KCNIP4: variants seen among roughly 807,000 people sequenced by gnomAD.
KCNIP4 encodes the protein potassium voltage-gated channel interacting protein 4.
A neutral mutation model predicts 34.0 loss-of-function variants in KCNIP4; 12 were observed. The ratio of observed to expected loss-of-function variants is 0.35; its 90% CI spans 0.23 to 0.57. KCNIP4 has a LOEUF of 0.57. Among genes scored for constraint, KCNIP4 ranks in the 20% least tolerant of loss-of-function variants. The pLI, the probability that KCNIP4 is intolerant of heterozygous loss-of-function variation, is 0.83. For missense variants in KCNIP4, 238 were observed against 311.7 expected, an observed-to-expected ratio of 0.76 and a Z score of 1.78; for synonymous variants, 124 against 102.2, an observed-to-expected ratio of 1.21 and a Z score of -1.29.
At chr4:21,781,252 C>T (rs1719558205) in intron 1 of KCNIP4, among the ~76,000 whole-genome samples, 2 of 152,112 alleles carry the variant, frequency 1.3e-5, no homozygotes, top group African/African-American at 2.4e-5. Context: ...ACTTCTCTCT[C>T]CTAAAGCCCT....
chr4:21,529,579 T>C (rs574013841), intron 1 of KCNIP4, among the ~76,000 whole-genome samples: 1 of 152,328 alleles, frequency 6.6e-6, no homozygotes, highest in African/African-American at 2.4e-5. Flanking sequence ...GGGTTTGTTA[T>C]AATAAAATAT....
At chr4:20,916,795 T>G (rs555786631) in intron 1 of KCNIP4, among the ~76,000 whole-genome samples, 1 of 151,812 alleles carries the variant, frequency 6.6e-6, no homozygotes, top group South Asian at 2.1e-4. Context: ...AAACCCATAA[T>G]GGAGGAACAT....
intron 1 of KCNIP4, among the ~76,000 whole-genome samples, chr4:21,799,380 T>A (rs1208319799): frequency 6.6e-6 from 1 of 152,172 alleles, no homozygotes; most frequent in Non-Finnish European, 1.5e-5. Context: ...AAACTTTTCT[T>A]TATATTACCA....
At chr4:21,593,632 T>G (rs544154662) in intron 1 of KCNIP4, among the ~76,000 whole-genome samples, 1 of 152,140 alleles carries the variant, frequency 6.6e-6, no homozygotes, top group Admixed American at 6.6e-5. Flanking sequence ...TCTCCCACCC[T>G]CCTTATTGCC....
chr4:21,088,117 G>A (rs970245324), intron 1 of KCNIP4, among the ~76,000 whole-genome samples: 1 of 129,146 alleles, frequency 7.7e-6, no homozygotes, highest in African/African-American at 3.7e-5. Flanking sequence ...TATCTGAAAT[G>A]TTGGCCCCCT....
chr4:21,561,807 T>A (rs1019045373), intron 1 of KCNIP4, among the ~76,000 whole-genome samples: 22 of 152,024 alleles, frequency 1.4e-4, no homozygotes, highest in Admixed American at 3.9e-4. Flanking sequence ...TAATCGTTCA[T>A]AAATCACTTA....
At chr4:21,700,815 G>A (rs1228746412) in intron 1 of KCNIP4, among the ~76,000 whole-genome samples, 2 of 151,960 alleles carry the variant, frequency 1.3e-5, no homozygotes, top group Middle Eastern at 6.3e-3. Flanking sequence ...TTCTACATAT[G>A]GTTATCCAGT....
intron 1 of KCNIP4, among the ~76,000 whole-genome samples, chr4:21,516,426 A>C (rs888593348): frequency 6.6e-6 from 1 of 152,188 alleles, no homozygotes; most frequent in African/African-American, 2.4e-5. Flanking sequence ...CACCCACTGA[A>C]AACTAATGAA....
intron 1 of KCNIP4, among the ~76,000 whole-genome samples, chr4:21,743,405 C>CT (rs33910770): frequency 4.6e-4 from 66 of 144,784 alleles, no homozygotes; most frequent in African/African-American, 8.2e-4. Context: ...ACTTTTGTCT[C>CT]TTTTTTTTTT....
At chr4:20,954,552 A>C (rs1388724508) in intron 1 of KCNIP4, among the ~76,000 whole-genome samples, 1 of 152,212 alleles carries the variant, frequency 6.6e-6, no homozygotes, top group African/African-American at 2.4e-5. Flanking sequence ...ATCAAGGTAT[A>C]ATGAAACAAC....
At chr4:21,673,078 C>T (rs865860641) in intron 1 of KCNIP4, among the ~76,000 whole-genome samples, 18 of 152,198 alleles carry the variant, frequency 1.2e-4, no homozygotes, top group Non-Finnish European at 1.2e-4. Context: ...AATGGCATAG[C>T]ATCATGATTG....
At chr4:21,177,902 ATT>A (rs1754544610) in intron 1 of KCNIP4, among the ~76,000 whole-genome samples, 1 of 149,372 alleles carries the variant, frequency 6.7e-6, no homozygotes, top group African/African-American at 2.5e-5. Context: ...AAAAAGAAAA[ATT>A]TAAACAAAGT....
chr4:20,997,749 C>A (rs1441620665), intron 1 of KCNIP4, among the ~76,000 whole-genome samples: 1 of 152,108 alleles, frequency 6.6e-6, no homozygotes, highest in Admixed American at 6.5e-5. Flanking sequence ...CAGACGAATG[C>A]CGTTGGATCA....
At chr4:21,334,071 T>A (rs142213825) in intron 1 of KCNIP4, among the ~76,000 whole-genome samples, 1 of 152,068 alleles carries the variant, frequency 6.6e-6, no homozygotes, top group Non-Finnish European at 1.5e-5. Context: ...CAAAAACTCA[T>A]CTTTTTTTTT....
chr4:20,790,190 C>T (rs755259937), intron 3 of KCNIP4, among the ~76,000 whole-genome samples: 9 of 151,956 alleles, frequency 5.9e-5, no homozygotes, highest in Non-Finnish European at 1.0e-4. Context: ...TGTATTTATA[C>T]GTATCTAAAC....
At chr4:20,821,495 C>T (rs1055707535) in intron 3 of KCNIP4, among the ~76,000 whole-genome samples, 2 of 151,994 alleles carry the variant, frequency 1.3e-5, no homozygotes, top group African/African-American at 4.8e-5. Flanking sequence ...TTATTTTTTC[C>T]TTAAATAGTG....
At chr4:21,268,796 C>A (rs1761968320) in intron 1 of KCNIP4, among the ~76,000 whole-genome samples, 1 of 152,164 alleles carries the variant, frequency 6.6e-6, no homozygotes, top group South Asian at 2.1e-4. Flanking sequence ...CACCCAAGAC[C>A]CACCTAGTCC....
intron 1 of KCNIP4, among the ~76,000 whole-genome samples, chr4:21,169,882 C>T (rs1168364410): frequency 6.6e-6 from 1 of 152,002 alleles, no homozygotes; most frequent in African/African-American, 2.4e-5. Context: ...AGAGTTATTT[C>T]CCATAATAAT....
At chr4:21,321,569 CA>C (rs1714420175) in intron 1 of KCNIP4, among the ~76,000 whole-genome samples, 1 of 151,030 alleles carries the variant, frequency 6.6e-6, no homozygotes, top group Non-Finnish European at 1.5e-5. Context: ...AGCAATACAA[CA>C]TGGAAGATGG....
Sources: gnomAD v4.1 joint callset for allele counts (sites outside exome capture counted in the v4.1 genomes callset) on GRCh38, gnomAD v4.1.1 for gene constraint, MANE v1.5 for transcripts, NCBI Gene and HGNC (gene_info 2026-07-23, HGNC 2026-07-21) for gene names.